RIN1: variants seen among roughly 807,000 people sequenced by gnomAD.
The protein encoded by RIN1 is Ras and Rab interactor 1.
Under a neutral mutation model 64.9 loss-of-function variants are expected in RIN1, and 52 were observed. That is an observed-to-expected ratio of 0.80 (90% CI 0.64 to 1.01). RIN1 has a LOEUF of 1.01. Among genes scored for constraint, RIN1 ranks in the 50% least tolerant of loss-of-function variants. The probability of loss-of-function intolerance (pLI) is 0.00; values close to 1 mark genes in which losing one functional copy is unlikely to be tolerated. For synonymous variants in RIN1, 486 were observed against 483.6 expected, an observed-to-expected ratio of 1.00 and a Z score of -0.06; for missense variants, 1,040 against 1,064.5, an observed-to-expected ratio of 0.98 and a Z score of 0.32.
At chr11:66,336,525 TC>T, upstream of RIN1, 1 of 830,442 alleles carries the variant, frequency 1.2e-6, no homozygotes, top group Non-Finnish European at 1.9e-6. Context: ...CTCTTGTGTG[TC>T]CACCCTGCCT....
chr11:66,335,574 G>T (rs370524552), intron 4 of RIN1, 36 bp downstream of exon 4: 2 of 1,611,836 alleles, frequency 1.2e-6, no homozygotes, highest in African/African-American at 1.3e-5. Context: ...AAGGAGCAGG[G>T]CCCGTGGACA....
rs772643108 is a variant in RIN1 at position 66,335,692 on chromosome 11, G to T, written c.383-10C>A. The T allele has an allele frequency of 6.2e-7, 1 of 1,613,016 alleles. No individual in the cohort carries two copies. The highest frequency in any genetic ancestry group is 1.1e-5 in the South Asian group (1 of 90,820). ...CCCTCCAAGGAGACGCCTGAGAGAG[G>T]AGGGAAGTGAGGTGCTTCTCTGGGG... On this transcript the variant is annotated splice_polypyrimidine_tract_variant and intron_variant, in intron 3 of 9. Coordinates refer to ENST00000311320, the MANE Select transcript of RIN1 (RefSeq NM_004292.3).
rs1485367394 is a variant in RIN1, at chr11:66,336,040, A to C, written c.205T>G (p.Trp69Gly). ...RERLLLTRPV[W>G]LQLQANAAAA... is the part of the protein sequence containing the mutation. Reference sequence around the variant, plus strand: ...GCTGCGTTGGCTTGCAGCTGCAGCCACACGGGCCGGGTGAGCAGCAGGCGC... The same window carrying C: ...GCTGCGTTGGCTTGCAGCTGCAGCCCCACGGGCCGGGTGAGCAGCAGGCGC... The change falls in exon 2 of 10, where the codon TGG becomes GGG. Residue 69 changes from tryptophan to glycine, a missense_variant. By Grantham distance (184) the Trp-to-Gly change is radical (BLOSUM62 -2). Transcript: ENST00000311320. The C allele has an allele frequency of 4.1e-6, 6 of 1,468,204 alleles. No individual in the cohort carries two copies. The highest frequency in any genetic ancestry group is 5.4e-6 in the Non-Finnish European group (6 of 1,108,790). 90.9% of individuals were successfully genotyped at this position (1,468,204 alleles called of 1,614,324 possible). A position where few individuals can be genotyped will look rare whatever the true frequency, so the allele number is the denominator to read the frequency against.
At position 66,330,317 on chromosome 11, in the gene RIN1, G is replaced by C. The variant is rs1460873332; in HGVS notation, c.*1959C>G. 6.6e-6 allele frequency: 1 copy of C among 152,258 alleles called. No individual in the cohort carries two copies. Among genetic ancestry groups the C allele is most frequent in the Non-Finnish European group, 1.5e-5 (1 of 68,094 alleles). The allele number at this position is 152,258 out of a possible 1,614,324, so 9.4% of individuals were successfully genotyped here. A position where few individuals can be genotyped will look rare whatever the true frequency, so the allele number is the denominator to read the frequency against. On this transcript the variant is annotated 3_prime_UTR_variant, in exon 10 of 10. Transcript: ENST00000311320. ...CTGTGTGAGGCACTAGGGGTGAGTG[G>C]TGAAACAGGGAGGGGAATAGAAGAG...
chr11:66,335,577 C>A, intron 4 of RIN1, 33 bp downstream of exon 4: 1 of 1,612,746 alleles, frequency 6.2e-7, no homozygotes, highest in African/African-American at 1.3e-5. Context: ...GAGCAGGGCC[C>A]GTGGACACCA....
At position 66,333,927 on chromosome 11, in the gene RIN1, G is replaced by T. The variant is rs1442953912; in HGVS notation, c.1583C>A (p.Thr528Asn). ...ACKLLYMALR[T>N]QEGEGAGADE... ...TGGTGGCAGGGACATACCTTCCTGG[G>T]TCCTCAGGGCCATGTAGAGCAGCTT... Residue 528 changes from threonine (T) to asparagine (N), a missense_variant, in exon 7 of 10, where the codon ACC becomes AAC. By Grantham distance (65) the Thr-to-Asn change is moderately conservative. Transcript: ENST00000311320. 1 of 1,529,268 alleles carries T rather than the reference G, an allele frequency of 6.5e-7. No homozygotes were observed. The highest frequency in any genetic ancestry group is 2.1e-5 in the Admixed American group (1 of 47,142). The allele number at this position is 1,529,268 out of a possible 1,614,324, so 94.7% of individuals were successfully genotyped here. A position where few individuals can be genotyped will look rare whatever the true frequency, so the allele number is the denominator to read the frequency against.
chr11:66,336,366 C>T lies in RIN1; in HGVS notation c.37G>A (p.Gly13Arg). 1 of 1,613,682 alleles carries T rather than the reference C, an allele frequency of 6.2e-7. No individual in the cohort carries two copies. Among genetic ancestry groups the T allele is most frequent in the Non-Finnish European group, 8.5e-7 (1 of 1,179,858 alleles). ...GTGAAGCTGGACGGGCTGGGGGCTC[C>T]AGGAGAGCCCGCGCCTGACTCTCCA... ...SPGESGAGSP[G>R]APSPSSFTTG... is the part of the protein sequence containing the mutation. The change falls in exon 1 of 10, where the codon GGA (glycine) becomes AGA (arginine). Residue 13 changes from glycine to arginine, a missense_variant. Physicochemically the swap from Gly to Arg is moderately radical, Grantham distance 125. Transcript: ENST00000311320.
rs548694579 is a variant in RIN1, at chr11:66,332,885, C to T, written c.1876-133G>A. On this transcript the variant is annotated intron_variant, in intron 9 of 9. Transcript: ENST00000311320. The stretch of plus-strand genomic sequence containing the variant: ...GTGGAGATCCAGTGGGAGAACCAAG[C>T]GGCAAAAGCTCTATGTGCTCCAGGG... 5.4e-5 allele frequency: 40 copies of T among 734,246 alleles called. No individual in the cohort carries two copies. The Middle Eastern group carries it at 1.1e-3, about 20-fold the overall frequency. 45.5% of individuals were successfully genotyped at this position (734,246 alleles called of 1,614,324 possible). A position where few individuals can be genotyped will look rare whatever the true frequency, so the allele number is the denominator to read the frequency against.
chr11:66,336,467 T>A (rs995372016), upstream of RIN1: 1 of 1,387,148 alleles, frequency 7.2e-7, no homozygotes, highest in African/African-American at 1.4e-5. Context: ...ACATCCCCAG[T>A]GAGTAACACT....
At position 66,333,606 on chromosome 11, in the gene RIN1, G is replaced by A. The variant is rs1215810687; in HGVS notation, c.1644C>T (p.Ala548=). 3 of 1,613,294 alleles carry A rather than the reference G, an allele frequency of 1.9e-6. No individual in the cohort carries two copies. In the Admixed American group the frequency reaches 5.0e-5, roughly 27 times the overall value. ...EFLPLLSLVL[A]HCDLPELLLE... is the part of the protein sequence containing the mutation. ...GCAGCAGCTCAGGAAGGTCACAGTGGGCCAAGACGAGGCTCAGCAGAGGCA... is the reference window on the plus strand; with the variant it reads ...GCAGCAGCTCAGGAAGGTCACAGTGAGCCAAGACGAGGCTCAGCAGAGGCA... The change falls in exon 8 of 10, where the codon GCC becomes GCT. Residue 548 remains alanine (A), a synonymous_variant. Transcript: ENST00000311320.
In RIN1 at chr11:66,333,651, G is replaced by T; in HGVS notation, c.1599C>A (p.Gly533=). Residue 533 remains glycine (G), a synonymous_variant, in exon 8 of 10, where the codon GGC becomes GGA. Coordinates refer to ENST00000311320, the MANE Select transcript of RIN1 (RefSeq NM_004292.3). ...YMALRTQEGE[G]AGADEFLPLL... Reference sequence around the variant, plus strand: ...GAGGCAGGAACTCGTCGGCACCCGCGCCCTCCCCTGTGGGGACATGGTGAG... The same window carrying T: ...GAGGCAGGAACTCGTCGGCACCCGCTCCCTCCCCTGTGGGGACATGGTGAG... The T allele has an allele frequency of 6.2e-7, 1 of 1,611,612 alleles. No individual in the cohort carries two copies. The highest frequency in any genetic ancestry group is 8.5e-7 in the Non-Finnish European group (1 of 1,179,120).
rs190980051 is a variant in RIN1, at chr11:66,333,914, C to G, written c.1591+5G>C. ...GGGCAGGGTGAGGTGGTGGCAGGGA[C>G]ATACCTTCCTGGGTCCTCAGGGCCA... On this transcript the variant is annotated splice_donor_5th_base_variant and intron_variant, in intron 7 of 9. Coordinates refer to ENST00000311320, the MANE Select transcript of RIN1 (RefSeq NM_004292.3). The G allele has an allele frequency of 2.7e-4, 402 of 1,516,144 alleles. 4 individuals carry two copies. The East Asian group carries it at 9.0e-3, about 34-fold the overall frequency. The allele number at this position is 1,516,144 out of a possible 1,614,324, so 93.9% of individuals were successfully genotyped here.
rs574562225 is a variant in RIN1, at chr11:66,335,990, G to A, written c.255C>T (p.Thr85=). Residue 85 remains threonine (T), a synonymous_variant, in exon 2 of 10, where the codon ACC becomes ACT. Coordinates refer to ENST00000311320, the MANE Select transcript of RIN1 (RefSeq NM_004292.3). The part of the protein sequence containing the change: ...NAAAALHMLR[T]EPPGTFLVRK... ...GGGCAAGACTCACCCCCGGGGGCTC[G>A]GTCCTCAGCATGTGCAGTGCGGCCG... 171 of 1,475,178 alleles carry A rather than the reference G, an allele frequency of 1.2e-4. 1 individual carries two copies. The Admixed American group carries it at 1.3e-3, about 12-fold the overall frequency. 91.4% of individuals were successfully genotyped at this position (1,475,178 alleles called of 1,614,324 possible).
chr11:66,335,341 G>A, intron 5 of RIN1, 66 bp downstream of exon 5: 1 of 1,557,122 alleles, frequency 6.4e-7, no homozygotes, highest in Non-Finnish European at 8.7e-7. Flanking sequence ...GCGGTGTGCT[G>A]CGAGCCTTGC....
At position 66,333,340 on chromosome 11, in the gene RIN1, A is replaced by G; in HGVS notation, c.1793T>C (p.Leu598Pro). The G allele has an allele frequency of 6.2e-7, 1 of 1,613,266 alleles. No homozygotes were observed. Among genetic ancestry groups the G allele is most frequent in the East Asian group, 2.2e-5 (1 of 44,880 alleles). Residue 598 changes from leucine to proline, a missense_variant, in exon 9 of 10, where the codon CTC becomes CCC. Leu to Pro is a moderately conservative substitution (Grantham distance 98). Transcript: ENST00000311320. ...LLSGLGQAHT[L>P]PLSPVQELRR... is the part of the protein sequence containing the mutation. The stretch of plus-strand genomic sequence containing the variant: ...TAGCTCCTGCACGGGGCTCAGTGGG[A>G]GGGTGTGGGCCTGACCCAGGCCACT...
Position 66,334,551 on chromosome 11 carries a change from C to A in RIN1, c.1248G>T (p.Glu416Asp), listed in dbSNP as rs560159232. Residue 416 changes from glutamate (E) to aspartate (D), a missense_variant, in exon 6 of 10, where the codon GAG becomes GAT. Glu to Asp is a conservative substitution (Grantham distance 45). Coordinates refer to ENST00000311320, the MANE Select transcript of RIN1 (RefSeq NM_004292.3). ...LSRARAMLSA[E>D]LGPEKLLSPK... is the part of the protein sequence containing the mutation. ...GCGACAGCAGCTTCTCAGGGCCCAGCTCCGCACTCAGCATGGCCCGGGCCC... is the reference window on the plus strand; with the variant it reads ...GCGACAGCAGCTTCTCAGGGCCCAGATCCGCACTCAGCATGGCCCGGGCCC... 2 of 1,591,928 alleles carry A rather than the reference C, an allele frequency of 1.3e-6. No homozygotes were observed. Among genetic ancestry groups the A allele is most frequent in the African/African-American group, 2.7e-5 (2 of 74,916 alleles).
rs1854739553 is a variant in RIN1, at chr11:66,331,866, A to T, written c.*410T>A. The T allele has an allele frequency of 4.3e-6, 1 of 235,042 alleles. No homozygotes were observed. Among genetic ancestry groups the T allele is most frequent in the South Asian group, 6.5e-5 (1 of 15,296 alleles). 14.6% of individuals were successfully genotyped at this position (235,042 alleles called of 1,614,324 possible). On this transcript the variant is annotated 3_prime_UTR_variant, in exon 10 of 10. Transcript: ENST00000311320. ...GCCATTGGAACCTTTTAGGGTCTGG[A>T]AGTCCCAGCCTGGTGGGAGATACTT...
chr11:66,335,488 G>C lies in RIN1; in HGVS notation c.466C>G (p.Leu156Val). 1 of 1,613,752 alleles carries C rather than the reference G, an allele frequency of 6.2e-7. No homozygotes were observed. Among genetic ancestry groups the C allele is most frequent in the South Asian group, 1.1e-5 (1 of 91,076 alleles). The change falls in exon 5 of 10, where the codon CTC becomes GTC. Residue 156 changes from leucine to valine, a missense_variant. Coordinates refer to ENST00000311320, the MANE Select transcript of RIN1 (RefSeq NM_004292.3). ...CAYCHTRDILLLPLQLPRAIH... is the reference protein window; with the variant it reads ...CAYCHTRDILVLPLQLPRAIH... ...GCTCTGGGGAGCTGCAGCGGGAGGA[G>C]AAGGATGTCCCTGAGGCCAGAGAGG...
chr11:66,333,747 G>A, intron 7 of RIN1, 89 bp from the exon 8 acceptor site: 2 of 1,510,164 alleles, frequency 1.3e-6, no homozygotes, highest in Non-Finnish European at 1.8e-6. Flanking sequence ...ACCATTGAGG[G>A]GCTTCAGAAA....
Sources: gnomAD v4.1 joint callset for allele counts on GRCh38, gnomAD v4.1.1 for gene constraint, MANE v1.5 for transcripts, NCBI Gene and HGNC (gene_info 2026-07-23, HGNC 2026-07-21) for gene names.